Variants in RAB3GAP1 observed in about 807,000 individuals in gnomAD.
RAB3GAP1 encodes rab3 GTPase-activating protein catalytic subunit.
In RAB3GAP1, 86 loss-of-function variants were observed where a neutral mutation model predicts 130.7. That is an observed-to-expected ratio of 0.66 (90% CI 0.55 to 0.79). The LOEUF (loss-of-function observed/expected upper bound fraction) is 0.79. Among genes scored for constraint, RAB3GAP1 ranks in the 30% least tolerant of loss-of-function variants. The pLI, the probability that RAB3GAP1 is intolerant of heterozygous loss-of-function variation, is 0.00. For synonymous variants in RAB3GAP1, 367 were observed against 401.7 expected (o/e 0.91, Z 1.03); for missense variants, 1,029 against 1,169.4 (o/e 0.88, Z 1.75).
chr2:135,156,378 A>G (rs1692311382), intron 19 of RAB3GAP1, among the ~76,000 whole-genome samples: 1 of 152,222 alleles, frequency 6.6e-6, no homozygotes, highest in African/African-American at 2.4e-5. Flanking sequence ...TGGTAAAGAT[A>G]GCATATTTTT....
chr2:135,167,076 T>G (rs1692675806), intron 23 of RAB3GAP1, among the ~76,000 whole-genome samples: 1 of 152,212 alleles, frequency 6.6e-6, no homozygotes, highest in Non-Finnish European at 1.5e-5. Context: ...TCATGTAACT[T>G]TTCATTAGCT....
At chr2:135,079,312 T>C (rs978087501) in intron 3 of RAB3GAP1, among the ~76,000 whole-genome samples, 2 of 152,174 alleles carry the variant, frequency 1.3e-5, no homozygotes, top group Non-Finnish European at 2.9e-5. Flanking sequence ...ATTGTCTTTA[T>C]TCCTTACTTC....
At chr2:135,162,933 G>A (rs112764908) in intron 21 of RAB3GAP1, 53 bp from the exon 22 acceptor site, 1 of 1,577,012 alleles carries the variant, frequency 6.3e-7, no homozygotes, top group African/African-American at 1.3e-5. Context: ...TTTTCAAAGG[G>A]CTTTGCTTTT....
intron 17 of RAB3GAP1, among the ~76,000 whole-genome samples, chr2:135,146,696 A>C (rs1018345643): frequency 1.3e-5 from 2 of 152,180 alleles, no homozygotes; most frequent in African/African-American, 4.8e-5. Flanking sequence ...AAAAAACAGT[A>C]ATAGATTAAT....
At chr2:135,079,743 AC>A (rs1689733970) in intron 3 of RAB3GAP1, among the ~76,000 whole-genome samples, 1 of 152,136 alleles carries the variant, frequency 6.6e-6, no homozygotes, top group Non-Finnish European at 1.5e-5. Flanking sequence ...ATGTCCACTT[AC>A]CCTACTGGTA....
At chr2:135,083,780 T>G (rs968925040) in intron 3 of RAB3GAP1, among the ~76,000 whole-genome samples, 26 of 150,230 alleles carry the variant, frequency 1.7e-4, no homozygotes, top group African/African-American at 6.3e-4. Flanking sequence ...TTTTTTTTTT[T>G]TTTTTTTTTT....
intron 17 of RAB3GAP1, among the ~76,000 whole-genome samples, chr2:135,141,226 T>TTCC (rs1691829556): frequency 6.8e-6 from 1 of 147,280 alleles, no homozygotes; most frequent in African/African-American, 2.6e-5. Flanking sequence ...ATTCACTTAC[T>TTCC]TCTTTTTTTT....
At chr2:135,081,347 TATATATATATATATAC>T (rs1375863382) in intron 3 of RAB3GAP1, among the ~76,000 whole-genome samples, 3 of 93,738 alleles carry the variant, frequency 3.2e-5, no homozygotes, top group African/African-American at 1.8e-4. Flanking sequence ...TATATATATA[TATATATATATATATAC>T]ACACACGTGT....
rs1048722324 is a variant in RAB3GAP1, at chr2:135,126,209, C to T, written c.859C>T (p.His287Tyr). Residue 287 changes from histidine to tyrosine, a missense_variant, in exon 10 of 24, where the codon CAT (histidine) becomes TAT (tyrosine). This residue lies in a region of RAB3GAP1 where 510 missense variants were observed against 532.1 expected (regional missense o/e 0.96). Coordinates refer to ENST00000264158, the MANE Select transcript of RAB3GAP1 (RefSeq NM_012233.3). ...ACTCCATTTAGCTACTACATGGCCTCATCTGACCGAAGGGATCATTGTGGA... is the reference window on the plus strand; with the variant it reads ...ACTCCATTTAGCTACTACATGGCCTTATCTGACCGAAGGGATCATTGTGGA... ...SELHLATTWP[H>Y]LTEGIIVDND... 4.3e-6 allele frequency: 7 copies of T among 1,613,052 alleles called. No individual in the cohort carries two copies. Among genetic ancestry groups the T allele is most frequent in the East Asian group, 4.5e-5 (2 of 44,780 alleles).
rs74692407 is a variant in RAB3GAP1 at position 135,100,779 on chromosome 2, G to C, written c.362+7086G>C. Among the ~76,000 whole-genome samples, 1,060 of 152,194 alleles carry C rather than the reference G, an allele frequency of 7.0e-3. 12 individuals carry two copies. Among genetic ancestry groups the C allele is most frequent in the African/African-American group, 0.024 (993 of 41,516 alleles). On this transcript the variant is annotated intron_variant, in intron 5 of 23. Coordinates refer to ENST00000264158, the MANE Select transcript of RAB3GAP1 (RefSeq NM_012233.3). ...ATGGTTACTGCCTTAGTAATCTATG[G>C]GATTAATAGATAAGGGAGTAGACAA...
chr2:135,142,461 T>C (rs1456724671), intron 17 of RAB3GAP1, among the ~76,000 whole-genome samples: 1 of 152,188 alleles, frequency 6.6e-6, no homozygotes, highest in Admixed American at 6.5e-5. Flanking sequence ...TCATGTCGTC[T>C]TTTAGTAAAG....
intron 19 of RAB3GAP1, among the ~76,000 whole-genome samples, chr2:135,157,682 A>G (rs187021846): frequency 4.6e-5 from 7 of 152,084 alleles, no homozygotes; most frequent in South Asian, 2.1e-4. Flanking sequence ...AAATACAAAA[A>G]TTAGCTGGGG....
At position 135,107,055 on chromosome 2, in the gene RAB3GAP1, G is replaced by C. The variant is rs1397051695; in HGVS notation, c.363-6096G>C. On this transcript the variant is annotated intron_variant, in intron 5 of 23. Transcript: ENST00000264158. ...TGGCTGACTTCTCATCAGAAACAGT[G>C]GAGGCCAGAGGGCAGTGCAATGACA... 2.0e-5 allele frequency among the ~76,000 whole-genome samples: 3 copies of C among 151,144 alleles called. No homozygotes were observed. The East Asian group carries it at 5.8e-4, about 29-fold the overall frequency.
At chr2:135,162,281 A>G in intron 19 of RAB3GAP1, 1 of 380,452 alleles carries the variant, frequency 2.6e-6, no homozygotes, top group Non-Finnish European at 4.8e-6. Flanking sequence ...TTGGTATTGT[A>G]ATCAGTCGGT....
chr2:135,174,988 C>T (rs1692968743), downstream of RAB3GAP1, among the ~76,000 whole-genome samples: 1 of 152,202 alleles, frequency 6.6e-6, no homozygotes. Context: ...CCACTGTCAG[C>T]AGTGGACTCC....
chr2:135,079,962 A>C (rs1026229453), intron 3 of RAB3GAP1, among the ~76,000 whole-genome samples: 2 of 152,076 alleles, frequency 1.3e-5, no homozygotes, highest in African/African-American at 4.8e-5. Flanking sequence ...CTAAAAATAC[A>C]AAAAATTAGC....
intron 11 of RAB3GAP1, among the ~76,000 whole-genome samples, chr2:135,129,191 A>G (rs1300000858): frequency 6.6e-6 from 1 of 151,372 alleles, no homozygotes; most frequent in East Asian, 1.9e-4. Flanking sequence ...GGTGACTCAC[A>G]CTTGTAATCC....
At chr2:135,167,766 A>G in intron 23 of RAB3GAP1, 4 of 1,414,300 alleles carry the variant, frequency 2.8e-6, no homozygotes, top group Non-Finnish European at 2.9e-6. Flanking sequence ...CCATCCCTCT[A>G]ATTTCATAAG....
chr2:135,140,368 T>G (rs1691803688), intron 17 of RAB3GAP1, among the ~76,000 whole-genome samples: 1 of 152,254 alleles, frequency 6.6e-6, no homozygotes, highest in African/African-American at 2.4e-5. Context: ...CAACAATTTA[T>G]AGTAGTATAG....
Sources: gnomAD v4.1 joint callset for allele counts (sites outside exome capture counted in the v4.1 genomes callset) on GRCh38, gnomAD v4.1.1 for gene constraint, gnomAD v4.1.1 regional missense constraint, MANE v1.5 for transcripts, NCBI Gene and HGNC (gene_info 2026-07-23, HGNC 2026-07-21) for gene names.